SEMA5A: variants seen among roughly 807,000 people sequenced by gnomAD.
SEMA5A encodes semaphorin 5A.
In SEMA5A, 55 loss-of-function variants were observed where a neutral mutation model predicts 135.5. The observed-to-expected ratio is 0.41, with a 90% confidence interval of 0.33 to 0.51. SEMA5A has a LOEUF of 0.51. SEMA5A is among the 20% of genes least tolerant of loss of function. The pLI is 0.37. For missense variants in SEMA5A, 1,290 were observed against 1,419.9 expected (o/e 0.91, Z 1.47); for synonymous variants, 580 against 546.5 (o/e 1.06, Z -0.85).
At chr5:9,103,778 T>C (rs998205052) in intron 16 of SEMA5A, among the ~76,000 whole-genome samples, 24 of 152,234 alleles carry the variant, frequency 1.6e-4, no homozygotes, top group African/African-American at 5.8e-4. Flanking sequence ...AGTAATTCTA[T>C]GTATACAACA....
chr5:9,223,816 C>T (rs868503285), intron 8 of SEMA5A, among the ~76,000 whole-genome samples: 2 of 152,202 alleles, frequency 1.3e-5, no homozygotes, highest in African/African-American at 4.8e-5. Flanking sequence ...CAGAGGGCTG[C>T]ATTTCAGCTG....
At chr5:9,221,506 G>T (rs533349641) in intron 8 of SEMA5A, among the ~76,000 whole-genome samples, 2,253 of 150,726 alleles carry the variant, frequency 0.015, 53 homozygotes, top group African/African-American at 0.05. Context: ...GTTTCACAGT[G>T]TTAGCCAGGA....
chr5:9,464,647 C>T (rs1264056374), intron 1 of SEMA5A, among the ~76,000 whole-genome samples: 1 of 152,314 alleles, frequency 6.6e-6, no homozygotes, highest in East Asian at 1.9e-4. Flanking sequence ...GTTGAGGGAG[C>T]TGGGCCCCAG....
At chr5:9,208,749 G>A (rs1746185026) in intron 8 of SEMA5A, among the ~76,000 whole-genome samples, 3 of 152,170 alleles carry the variant, frequency 2.0e-5, no homozygotes, top group African/African-American at 7.2e-5. Flanking sequence ...ATAACAAGGA[G>A]TATGGATTTC....
At chr5:9,352,341 TCTATCTAG>T (rs200334292) in intron 3 of SEMA5A, among the ~76,000 whole-genome samples, 3,638 of 152,248 alleles carry the variant, frequency 0.024, 107 homozygotes, top group African/African-American at 0.074. Flanking sequence ...TATCTATCCA[TCTATCTAG>T]CTATCTAGCT....
intron 8 of SEMA5A, among the ~76,000 whole-genome samples, chr5:9,223,757 ATGTGCGTGTGTG>A (rs1747138417): frequency 6.6e-6 from 1 of 152,210 alleles, no homozygotes; most frequent in African/African-American, 2.4e-5. Flanking sequence ...GTGTATGTGT[ATGTGCGTGTGTG>A]TGTGAGACCA....
At chr5:9,344,639 AAT>A (rs1385226405) in intron 3 of SEMA5A, among the ~76,000 whole-genome samples, 1 of 152,056 alleles carries the variant, frequency 6.6e-6, no homozygotes, top group African/African-American at 2.4e-5. Flanking sequence ...AGAAGATCTC[AAT>A]ATTGGAGAAT....
At chr5:9,083,508 G>T (rs912470965) in intron 16 of SEMA5A, among the ~76,000 whole-genome samples, 8 of 152,082 alleles carry the variant, frequency 5.3e-5, no homozygotes, top group African/African-American at 1.9e-4. Flanking sequence ...AGTCAATGTA[G>T]TGTTGCCTAA....
intron 5 of SEMA5A, among the ~76,000 whole-genome samples, chr5:9,311,279 G>C (rs1752118568): frequency 1.3e-5 from 2 of 152,030 alleles, no homozygotes; most frequent in African/African-American, 2.4e-5. Flanking sequence ...AATATTCCCA[G>C]AAGGTGAAAT....
chr5:9,287,859 A>G (rs1322380088), intron 5 of SEMA5A, among the ~76,000 whole-genome samples: 1 of 152,234 alleles, frequency 6.6e-6, no homozygotes, highest in Non-Finnish European at 1.5e-5. Flanking sequence ...AGTAACTTAA[A>G]AATTATTTCC....
In SEMA5A at chr5:9,380,005, C is replaced by T; in HGVS notation, c.-59G>A. The T allele has an allele frequency of 1.9e-6, 3 of 1,544,468 alleles. No individual in the cohort carries two copies. The highest frequency in any genetic ancestry group is 1.4e-5 in the African/African-American group (1 of 72,358). On this transcript the variant is annotated 5_prime_UTR_variant, in exon 3 of 23. Coordinates refer to ENST00000382496, the MANE Select transcript of SEMA5A (RefSeq NM_003966.3). ...TCTTCTAAACAGAAGCTCTTCTTCT[C>T]CTCATGTGTGGAAAGTGCCTAAAAC...
intron 8 of SEMA5A, among the ~76,000 whole-genome samples, chr5:9,217,398 C>T (rs1413165156): frequency 6.6e-6 from 1 of 152,144 alleles, no homozygotes; most frequent in South Asian, 2.1e-4. Flanking sequence ...GGTGACCTGT[C>T]TTTTCTCTCT....
At chr5:9,277,856 G>A (rs1750344688) in intron 5 of SEMA5A, among the ~76,000 whole-genome samples, 1 of 152,080 alleles carries the variant, frequency 6.6e-6, no homozygotes, top group Non-Finnish European at 1.5e-5. Flanking sequence ...AATTCCTAAT[G>A]TAGATGATAG....
intron 9 of SEMA5A, among the ~76,000 whole-genome samples, chr5:9,197,728 TTGTGTGTGTGTG>T (rs70943946): frequency 0.14 from 8,045 of 58,916 alleles, 362 homozygotes; most frequent in Non-Finnish European, 0.16. Flanking sequence ...GGAAAGCTGT[TTGTGTGTGTGTG>T]TGTGTGTGTG....
chr5:9,326,179 G>A (rs1752862956), intron 4 of SEMA5A, among the ~76,000 whole-genome samples: 1 of 152,076 alleles, frequency 6.6e-6, no homozygotes, highest in African/African-American at 2.4e-5. Flanking sequence ...CATCTAACTG[G>A]CACAGAACTT....
chr5:9,361,014 T>C (rs1021329516), intron 3 of SEMA5A, among the ~76,000 whole-genome samples: 5 of 152,110 alleles, frequency 3.3e-5, no homozygotes, highest in African/African-American at 1.2e-4. Context: ...AAAACTCAAG[T>C]CTGGCCAGGC....
At chr5:9,311,021 T>A (rs1752103712) in intron 5 of SEMA5A, among the ~76,000 whole-genome samples, 1 of 151,932 alleles carries the variant, frequency 6.6e-6, no homozygotes, top group South Asian at 2.1e-4. Flanking sequence ...AATCAAGTAA[T>A]CTTAATATCA....
chr5:9,290,080 G>T (rs940582707), intron 5 of SEMA5A, among the ~76,000 whole-genome samples: 1 of 151,964 alleles, frequency 6.6e-6, no homozygotes, highest in Non-Finnish European at 1.5e-5. Context: ...TAGGTTTTTT[G>T]GAAACAGGTG....
intron 1 of SEMA5A, among the ~76,000 whole-genome samples, chr5:9,479,946 A>G (rs1759812024): frequency 6.6e-6 from 1 of 152,228 alleles, no homozygotes; most frequent in Non-Finnish European, 1.5e-5. Context: ...TTCTTGAAAG[A>G]ATGAATGAAC....
Sources: allele counts gnomAD v4.1 joint callset (sites outside exome capture counted in the v4.1 genomes callset), GRCh38; gene constraint gnomAD v4.1.1; transcripts MANE v1.5; gene names NCBI Gene and HGNC (gene_info 2026-07-23, HGNC 2026-07-21).